The following LHFPL3 variants were observed in gnomAD, a reference collection of about 807,000 sequenced individuals.
LHFPL3 encodes the protein LHFPL tetraspan subfamily member 3.
In LHFPL3, 5 loss-of-function variants were observed where a neutral mutation model predicts 19.3. The observed-to-expected ratio is 0.26, with a 90% CI of 0.14 to 0.54. The LOEUF (loss-of-function observed/expected upper bound fraction) is 0.54, where lower values mean the gene tolerates loss of function less well. LHFPL3 is among the 20% of genes least tolerant of loss of function. The pLI is 0.94. For missense variants in LHFPL3, 249 were observed against 307.4 expected (o/e 0.81, Z 1.42); for synonymous variants, 133 against 126.2 (o/e 1.05, Z -0.36).
intron 2 of LHFPL3, among the ~76,000 whole-genome samples, chr7:104,822,590 G>A (rs1372148743): frequency 6.6e-6 from 1 of 152,178 alleles, no homozygotes; most frequent in African/African-American, 2.4e-5. Flanking sequence ...ATTGCCACAT[G>A]AGAGTGAAAA....
rs955825760 is a variant in LHFPL3 at position 104,518,836 on chromosome 7, T to A, written c.445+189612T>A. 8.0e-3 allele frequency among the ~76,000 whole-genome samples: 1,216 copies of A among 151,142 alleles called. 16 individuals carry two copies. Among genetic ancestry groups the A allele is most frequent in the African/African-American group, 0.028 (1,126 of 40,774 alleles). On this transcript the variant is annotated intron_variant, in intron 1 of 2. Transcript: ENST00000424859. ...ATAGATAGATAGATAGATAGATAGA[T>A]AGATAGATAGAATAAATAAAAAAAC...
chr7:104,632,481 GATAACCATTATGAA>G (rs1190602240), intron 1 of LHFPL3, among the ~76,000 whole-genome samples: 8 of 152,176 alleles, frequency 5.3e-5, no homozygotes, highest in African/African-American at 9.7e-5. Context: ...ATTTCTAATA[GATAACCATTATGAA>G]ATAACCTGAT....
chr7:104,521,435 G>A (rs781689218), intron 1 of LHFPL3, among the ~76,000 whole-genome samples: 5 of 152,136 alleles, frequency 3.3e-5, no homozygotes, highest in Non-Finnish European at 7.3e-5. Flanking sequence ...TTGATTTGGG[G>A]TGGAGAGTTC....
intron 2 of LHFPL3, among the ~76,000 whole-genome samples, chr7:104,755,852 C>T (rs541666837): frequency 8.5e-5 from 13 of 152,270 alleles, no homozygotes; most frequent in Admixed American, 5.2e-4. Flanking sequence ...TGCGCCACCA[C>T]GCCCGGTTAA....
intron 1 of LHFPL3, among the ~76,000 whole-genome samples, chr7:104,697,954 T>C (rs1793028347): frequency 6.6e-6 from 1 of 152,228 alleles, no homozygotes; most frequent in South Asian, 2.1e-4. Flanking sequence ...TTTACCATGG[T>C]TGTATTACGG....
At chr7:104,598,603 G>C (rs117519837) in intron 1 of LHFPL3, among the ~76,000 whole-genome samples, 107 of 152,304 alleles carry the variant, frequency 7.0e-4, no homozygotes, top group Non-Finnish European at 1.2e-3. Context: ...GAACAATAAT[G>C]TCTGCTTATA....
intron 1 of LHFPL3, among the ~76,000 whole-genome samples, chr7:104,390,007 T>A (rs1336121152): frequency 1.3e-5 from 2 of 151,656 alleles, no homozygotes; most frequent in Non-Finnish European, 2.9e-5. Flanking sequence ...AATAAATAAA[T>A]TGGATTTCAT....
At chr7:104,483,406 T>A (rs1479074868) in intron 1 of LHFPL3, among the ~76,000 whole-genome samples, 1 of 152,202 alleles carries the variant, frequency 6.6e-6, no homozygotes, top group Non-Finnish European at 1.5e-5. Context: ...TTTCTTTCCT[T>A]TCCCAAAGAA....
chr7:104,433,227 C>T (rs1209158169), intron 1 of LHFPL3, among the ~76,000 whole-genome samples: 2 of 152,104 alleles, frequency 1.3e-5, no homozygotes, highest in Non-Finnish European at 2.9e-5. Flanking sequence ...TCAGAACAGA[C>T]CAATGATGTT....
chr7:104,622,032 A>G (rs2115806467), intron 1 of LHFPL3, among the ~76,000 whole-genome samples: 2 of 152,350 alleles, frequency 1.3e-5, no homozygotes, highest in South Asian at 4.1e-4. Flanking sequence ...ATATGCATAA[A>G]CAAAGAATCC....
intron 2 of LHFPL3, among the ~76,000 whole-genome samples, chr7:104,876,694 CA>C (rs1326754843): frequency 6.6e-6 from 1 of 151,948 alleles, no homozygotes; most frequent in African/African-American, 2.4e-5. Flanking sequence ...TAAACTAGTT[CA>C]ACCACTGTGG....
chr7:104,607,439 C>T (rs1032773134), intron 1 of LHFPL3, among the ~76,000 whole-genome samples: 4 of 152,200 alleles, frequency 2.6e-5, no homozygotes, highest in Non-Finnish European at 4.4e-5. Context: ...TAACTACATA[C>T]AGAACCATAT....
At chr7:104,550,466 A>C (rs1562931697) in intron 1 of LHFPL3, among the ~76,000 whole-genome samples, 1 of 152,218 alleles carries the variant, frequency 6.6e-6, no homozygotes, top group Non-Finnish European at 1.5e-5. Context: ...CACTCTGTCC[A>C]AAGGCAACCA....
intron 2 of LHFPL3, among the ~76,000 whole-genome samples, chr7:104,839,989 T>TAATA (rs1289352709): frequency 6.6e-6 from 1 of 151,718 alleles, no homozygotes. Context: ...ACTGGATAAT[T>TAATA]AATATTATTA....
chr7:104,856,239 AATT>A, intron 2 of LHFPL3, among the ~76,000 whole-genome samples: 1 of 124,064 alleles, frequency 8.1e-6, no homozygotes, highest in Non-Finnish European at 1.6e-5. Context: ...TGTCCCAGGA[AATT>A]TTTTTTTTTT....
chr7:104,764,238 G>A (rs1011404598), intron 2 of LHFPL3, among the ~76,000 whole-genome samples: 8 of 151,866 alleles, frequency 5.3e-5, no homozygotes, highest in Admixed American at 1.3e-4. Flanking sequence ...GTGTGATCTC[G>A]GTTCACTGCA....
intron 1 of LHFPL3, among the ~76,000 whole-genome samples, chr7:104,516,403 T>A (rs2115789265): frequency 6.6e-6 from 1 of 152,234 alleles, no homozygotes; most frequent in South Asian, 2.1e-4. Flanking sequence ...CCAAACCATA[T>A]CAACAAATTT....
At chr7:104,419,153 A>C (rs1791680470) in intron 1 of LHFPL3, among the ~76,000 whole-genome samples, 1 of 152,202 alleles carries the variant, frequency 6.6e-6, no homozygotes, top group African/African-American at 2.4e-5. Context: ...GAGATTGATG[A>C]AAGATAAACT....
chr7:104,792,069 C>T, intron 2 of LHFPL3, among the ~76,000 whole-genome samples: 1 of 152,164 alleles, frequency 6.6e-6, no homozygotes, highest in Non-Finnish European at 1.5e-5. Flanking sequence ...AGAAAAGCAT[C>T]ACATTCTCAT....
Sources: gnomAD v4.1 joint callset for allele counts (sites outside exome capture counted in the v4.1 genomes callset) on GRCh38, gnomAD v4.1.1 for gene constraint, MANE v1.5 for transcripts, NCBI Gene and HGNC (gene_info 2026-07-23, HGNC 2026-07-21) for gene names.